Variants in TRAPPC9 observed in about 807,000 individuals in gnomAD.
The protein encoded by TRAPPC9 is trafficking protein particle complex subunit 9.
TRAPPC9 carries 83 observed loss-of-function variants against 124.0 expected under a neutral mutation model. The observed-to-expected ratio is 0.67, with a 90% CI of 0.56 to 0.80. The LOEUF (loss-of-function observed/expected upper bound fraction) is 0.80. Ranked by LOEUF, TRAPPC9 falls within the 30% of genes least tolerant of loss-of-function variation. The pLI, the probability that TRAPPC9 is intolerant of heterozygous loss-of-function variation, is 0.00. For synonymous variants in TRAPPC9, 638 were observed against 617.5 expected (o/e 1.03, Z -0.49); for missense variants, 1,302 against 1,508.3 (o/e 0.86, Z 2.27).
In TRAPPC9 at chr8:139,851,168, C is replaced by T. The variant is rs146499261; in HGVS notation, c.3055+34711G>A. On this transcript the variant is annotated intron_variant, in intron 21 of 22. Transcript: ENST00000438773. ...TCTGTATAACAATGTGATCAGACAG[C>T]GATATGAACCACTGCAGAGAGGTAT... Among the ~76,000 whole-genome samples, 307 of 152,278 alleles carry T rather than the reference C, an allele frequency of 2.0e-3. 4 individuals are homozygous for T. Among genetic ancestry groups the T allele is most frequent in the African/African-American group, 6.4e-3 (264 of 41,554 alleles).
chr8:140,181,022 T>C (rs1467122236), intron 17 of TRAPPC9, among the ~76,000 whole-genome samples: 4 of 152,224 alleles, frequency 2.6e-5, no homozygotes, highest in African/African-American at 9.6e-5. Context: ...TCTCTTTGAA[T>C]ATTTTTCTCT....
At chr8:140,242,915 T>C (rs1039460633) in intron 16 of TRAPPC9, among the ~76,000 whole-genome samples, 1 of 152,044 alleles carries the variant, frequency 6.6e-6, no homozygotes, top group Non-Finnish European at 1.5e-5. Flanking sequence ...AAGCCTGATT[T>C]CAATGGCGGA....
chr8:140,404,706 A>G (rs1013425382), intron 6 of TRAPPC9, among the ~76,000 whole-genome samples: 1 of 151,026 alleles, frequency 6.6e-6, no homozygotes, highest in Non-Finnish European at 1.5e-5. Context: ...ATGTGTGCGC[A>G]CATGTGAGCA....
chr8:140,060,596 A>C (rs1587618055), intron 17 of TRAPPC9, among the ~76,000 whole-genome samples: 1 of 95,158 alleles, frequency 1.1e-5, no homozygotes, highest in Non-Finnish European at 2.1e-5. Context: ...ACCCAACCCT[A>C]CCCATCCCTA....
chr8:140,132,450 T>C (rs10216841), intron 17 of TRAPPC9, among the ~76,000 whole-genome samples: 95,910 of 152,088 alleles, frequency 0.63, 30,551 homozygotes, highest in Admixed American at 0.69. Context: ...CCTCAGTAGA[T>C]TGCCATCATC....
intron 17 of TRAPPC9, chr8:140,095,800 A>G (rs1008613101): frequency 2.6e-5 from 4 of 152,238 alleles, no homozygotes; most frequent in Admixed American, 6.5e-5. Flanking sequence ...CTAATTCAGC[A>G]AAGACCTGAA....
At chr8:139,982,117 G>C (rs573176394) in intron 19 of TRAPPC9, among the ~76,000 whole-genome samples, 24 of 151,690 alleles carry the variant, frequency 1.6e-4, no homozygotes, top group African/African-American at 5.6e-4. Flanking sequence ...CACAATTGTC[G>C]TATCTTAATT....
intron 20 of TRAPPC9, among the ~76,000 whole-genome samples, chr8:139,902,199 C>T (rs538730591): frequency 5.3e-5 from 8 of 152,338 alleles, no homozygotes; most frequent in East Asian, 1.9e-4. Context: ...CCCTTCCCCG[C>T]TCTCATGTTC....
At chr8:140,381,301 G>A (rs191779209) in intron 7 of TRAPPC9, among the ~76,000 whole-genome samples, 2 of 152,026 alleles carry the variant, frequency 1.3e-5, no homozygotes, top group East Asian at 3.9e-4. Flanking sequence ...GATCTGGTAA[G>A]GGACTAGTAT....
intron 17 of TRAPPC9, among the ~76,000 whole-genome samples, chr8:140,037,635 C>T (rs954255236): frequency 1.3e-5 from 2 of 150,116 alleles, no homozygotes; most frequent in Non-Finnish European, 3.0e-5. Context: ...CATACACACA[C>T]ACAAAACACA....
intron 9 of TRAPPC9, among the ~76,000 whole-genome samples, chr8:140,312,428 A>G (rs1380818690): frequency 1.3e-5 from 2 of 152,202 alleles, no homozygotes; most frequent in Admixed American, 1.3e-4. Context: ...ACCTTTCTGC[A>G]TCTTGTTTGC....
Position 140,280,914 on chromosome 8 carries a change from G to A in TRAPPC9, c.2114+2975C>T, listed in dbSNP as rs543671580. Among the ~76,000 whole-genome samples, 6 of 152,302 alleles carry A rather than the reference G, an allele frequency of 3.9e-5. No individual in the cohort carries two copies. The East Asian group carries it at 1.2e-3, about 29-fold the overall frequency. On this transcript the variant is annotated intron_variant, in intron 14 of 22. Coordinates refer to ENST00000438773, the MANE Select transcript of TRAPPC9 (RefSeq NM_001160372.4). ...CTCACGCTCTGCGCCTCTTACATCTGGCTTCTTGCACTCAGCAGCTCGCCT... is the reference window on the plus strand; with the variant it reads ...CTCACGCTCTGCGCCTCTTACATCTAGCTTCTTGCACTCAGCAGCTCGCCT...
chr8:140,020,552 G>A (rs1587510118), intron 18 of TRAPPC9, among the ~76,000 whole-genome samples: 2 of 152,216 alleles, frequency 1.3e-5, no homozygotes, highest in East Asian at 3.9e-4. Context: ...CTTGAGCCCA[G>A]GAGTTTGAGG....
chr8:140,271,991 G>T (rs569477504), intron 15 of TRAPPC9, among the ~76,000 whole-genome samples: 1 of 132,884 alleles, frequency 7.5e-6, no homozygotes, highest in East Asian at 1.9e-4. Context: ...GGTGGTGGTG[G>T]TGGTGGTAGT....
At chr8:139,909,588 C>T (rs546293779) in intron 20 of TRAPPC9, among the ~76,000 whole-genome samples, 43 of 152,334 alleles carry the variant, frequency 2.8e-4, no homozygotes, top group African/African-American at 1.0e-3. Context: ...GGAACCTGGG[C>T]TTCTCCAAAG....
At chr8:139,839,292 A>G (rs2130879089) in intron 21 of TRAPPC9, among the ~76,000 whole-genome samples, 1 of 152,336 alleles carries the variant, frequency 6.6e-6, no homozygotes, top group East Asian at 1.9e-4. Flanking sequence ...ACATGCCATC[A>G]TGGAGACCAC....
chr8:139,836,983 C>A (rs983323629), intron 21 of TRAPPC9, among the ~76,000 whole-genome samples: 2 of 51,112 alleles, frequency 3.9e-5, no homozygotes, highest in Non-Finnish European at 6.6e-5. Context: ...GACTTGGGGC[C>A]TAGCGATCTG....
chr8:140,036,653 G>C (rs1840909093), intron 17 of TRAPPC9, among the ~76,000 whole-genome samples: 1 of 152,142 alleles, frequency 6.6e-6, no homozygotes, highest in African/African-American at 2.4e-5. Context: ...CGAGTCCTGA[G>C]TGGGGAGAAG....
intron 17 of TRAPPC9, among the ~76,000 whole-genome samples, chr8:140,187,452 A>G (rs1471152524): frequency 1.3e-5 from 2 of 152,226 alleles, no homozygotes; most frequent in Non-Finnish European, 2.9e-5. Flanking sequence ...CGAGGGTCCC[A>G]CATGGCTGAG....
Sources: allele counts gnomAD v4.1 joint callset (sites outside exome capture counted in the v4.1 genomes callset), GRCh38; gene constraint gnomAD v4.1.1; transcripts MANE v1.5; gene names NCBI Gene and HGNC (gene_info 2026-07-23, HGNC 2026-07-21).